ST7L: variants seen among roughly 807,000 people sequenced by gnomAD.
ST7L encodes the protein suppression of tumorigenicity 7 like.
Under a neutral mutation model 72.5 loss-of-function variants are expected in ST7L, and 57 were observed. The observed-to-expected ratio is 0.79, with a 90% CI of 0.64 to 0.98. The LOEUF (loss-of-function observed/expected upper bound fraction) is 0.98, where lower values mean the gene tolerates loss of function less well. Ranked by LOEUF, ST7L falls within the 50% of genes least tolerant of loss-of-function variation. The pLI is 0.00. For missense variants in ST7L, 576 were observed against 672.2 expected, an observed-to-expected ratio of 0.86 and a Z score of 1.58; for synonymous variants, 221 against 240.9, an observed-to-expected ratio of 0.92 and a Z score of 0.77.
intron 6 of ST7L, 31 bp from the exon 7 acceptor site, chr1:112,584,157 T>TA (rs1664529794): frequency 6.2e-7 from 1 of 1,600,004 alleles, no homozygotes; most frequent in African/African-American, 1.3e-5. Flanking sequence ...CAATTTTAAA[T>TA]AAAATGGTAA....
intron 3 of ST7L, among the ~76,000 whole-genome samples, chr1:112,604,615 A>G (rs1259328105): frequency 6.6e-6 from 1 of 151,980 alleles, no homozygotes; most frequent in African/African-American, 2.4e-5. Flanking sequence ...AAACCTAGCA[A>G]GGCAAATTCC....
At chr1:112,612,225 G>A (rs1669179342) in intron 2 of ST7L, among the ~76,000 whole-genome samples, 1 of 151,986 alleles carries the variant, frequency 6.6e-6, no homozygotes, top group Admixed American at 6.6e-5. Flanking sequence ...AGCCTCCCGT[G>A]TAGCTAGGAC....
chr1:112,549,588 T>A (rs2101533066), intron 13 of ST7L, among the ~76,000 whole-genome samples: 1 of 152,272 alleles, frequency 6.6e-6, no homozygotes, highest in African/African-American at 2.4e-5. Context: ...ATTTTCAGAT[T>A]GTTCATTACT....
Position 112,584,022 on chromosome 1 carries a change from C to A in ST7L, c.806G>T (p.Arg269Met), listed in dbSNP as rs1664507097. ...QALKAGETIY[R>M]QSQQCQHQSP... ...TTGGTGCTGGCACTGCTGTGACTGC[C>A]TATAAATTGTTTCTCCTGCCTTGAG... Residue 269 changes from arginine (R) to methionine (M), a missense_variant, in exon 7 of 15, where the codon AGG (arginine) becomes ATG (methionine). Arg to Met is a moderately conservative substitution (Grantham distance 91, BLOSUM62 -1). This residue lies in a region of ST7L where 511 missense variants were observed against 600.7 expected (regional missense o/e 0.85). Coordinates refer to ENST00000358039, the MANE Select transcript of ST7L (RefSeq NM_017744.5). 6.2e-7 allele frequency: 1 copy of A among 1,614,002 alleles called. No homozygotes were observed. Among genetic ancestry groups the A allele is most frequent in the Non-Finnish European group, 8.5e-7 (1 of 1,180,014 alleles).
At chr1:112,602,965 G>A (rs532248246) in intron 3 of ST7L, among the ~76,000 whole-genome samples, 8 of 151,878 alleles carry the variant, frequency 5.3e-5, no homozygotes, top group African/African-American at 1.4e-4. Flanking sequence ...TGATCCACCC[G>A]TCTCGGCCTC....
chr1:112,562,023 G>A (rs1660243091), intron 11 of ST7L, among the ~76,000 whole-genome samples: 1 of 149,776 alleles, frequency 6.7e-6, no homozygotes, highest in Admixed American at 6.7e-5. Flanking sequence ...CTGGAGTGCA[G>A]TGGTATGATC....
intron 1 of ST7L, chr1:112,617,361 G>A (rs555163187): frequency 7.8e-5 from 12 of 154,118 alleles, no homozygotes; most frequent in African/African-American, 2.9e-4. Flanking sequence ...CTGAAATCCT[G>A]GAGCAGATTT....
chr1:112,617,715 TCTCACACACACA>T (rs1368748641), intron 1 of ST7L, among the ~76,000 whole-genome samples: 16 of 123,150 alleles, frequency 1.3e-4, no homozygotes, highest in South Asian at 7.5e-4. Flanking sequence ...TCTTTCTCTC[TCTCACACACACA>T]CACACACACA....
At chr1:112,544,473 G>T (rs1656736772) in intron 13 of ST7L, among the ~76,000 whole-genome samples, 1 of 152,216 alleles carries the variant, frequency 6.6e-6, no homozygotes, top group Admixed American at 6.5e-5. Context: ...ATTAGAAACT[G>T]TAGAGAACAT....
At chr1:112,545,472 G>A (rs1316748271) in intron 13 of ST7L, among the ~76,000 whole-genome samples, 2 of 152,044 alleles carry the variant, frequency 1.3e-5, no homozygotes, top group South Asian at 4.1e-4. Flanking sequence ...ATAATTTAAG[G>A]TCCATTCTTT....
intron 3 of ST7L, among the ~76,000 whole-genome samples, chr1:112,608,450 T>C (rs545410097): frequency 4.6e-5 from 7 of 152,212 alleles, no homozygotes; most frequent in African/African-American, 1.4e-4. Context: ...TGTATCTTTA[T>C]AGAGTATCAT....
At chr1:112,550,777 C>T in intron 12 of ST7L, 84 bp from the exon 13 acceptor site, 5 of 1,106,524 alleles carry the variant, frequency 4.5e-6, no homozygotes, top group Non-Finnish European at 5.3e-6. Flanking sequence ...ATAGAAATTT[C>T]ACATACTATT....
At chr1:112,535,650 T>C (rs2101277796) in intron 14 of ST7L, among the ~76,000 whole-genome samples, 1 of 151,460 alleles carries the variant, frequency 6.6e-6, no homozygotes, top group East Asian at 2.0e-4. Flanking sequence ...GAGGATCACT[T>C]GAGCCCAGGT....
chr1:112,542,797 G>T (rs1656351331), intron 13 of ST7L, among the ~76,000 whole-genome samples: 1 of 150,980 alleles, frequency 6.6e-6, no homozygotes, highest in Non-Finnish European at 1.5e-5. Context: ...ATACATTTGA[G>T]TTGCTACTTT....
At chr1:112,552,241 G>A (rs1658325283) in intron 12 of ST7L, among the ~76,000 whole-genome samples, 1 of 117,732 alleles carries the variant, frequency 8.5e-6, no homozygotes, top group Non-Finnish European at 1.7e-5. Flanking sequence ...AATGGCCCTG[G>A]CTGGAAATCT....
intron 3 of ST7L, among the ~76,000 whole-genome samples, chr1:112,602,516 AT>A (rs1667569904): frequency 6.6e-6 from 1 of 152,164 alleles, no homozygotes; most frequent in Non-Finnish European, 1.5e-5. Flanking sequence ...AAGTCATTGG[AT>A]TCTTCACTTC....
Position 112,582,020 on chromosome 1 carries a change from A to G in ST7L, c.1041T>C (p.Asp347=), listed in dbSNP as rs1488063568. ...ESLLELQAYP[D]VQAVLAKYDD... is the part of the protein sequence containing the mutation. Reference sequence around the variant, plus strand: ...CATATTTTGCTAGGACTGCCTGAACATCTGGATAGGCCTGTAATTCTAAAA... The same window carrying G: ...CATATTTTGCTAGGACTGCCTGAACGTCTGGATAGGCCTGTAATTCTAAAA... The change falls in exon 9 of 15, where the codon GAT becomes GAC. Residue 347 remains aspartate (D), a synonymous_variant. Coordinates refer to ENST00000358039, the MANE Select transcript of ST7L (RefSeq NM_017744.5). 1 of 1,613,020 alleles carries G rather than the reference A, an allele frequency of 6.2e-7. No homozygotes were observed. The highest frequency in any genetic ancestry group is 1.1e-5 in the South Asian group (1 of 91,024).
At chr1:112,584,579 C>T (rs2101897129) in intron 6 of ST7L, among the ~76,000 whole-genome samples, 1 of 152,168 alleles carries the variant, frequency 6.6e-6, no homozygotes, top group South Asian at 2.1e-4. Context: ...CCTGGGCCTC[C>T]TGGGTTCAAG....
chr1:112,518,683 T>C (rs976785127), downstream of ST7L, among the ~76,000 whole-genome samples: 33 of 152,284 alleles, frequency 2.2e-4, no homozygotes, highest in South Asian at 6.2e-4. Flanking sequence ...AATACACCTT[T>C]AGGGAAGGAA....
Sources: gnomAD v4.1 joint callset for allele counts (sites outside exome capture counted in the v4.1 genomes callset) on GRCh38, gnomAD v4.1.1 for gene constraint, gnomAD v4.1.1 regional missense constraint, MANE v1.5 for transcripts, NCBI Gene and HGNC (gene_info 2026-07-23, HGNC 2026-07-21) for gene names.